NLGN4X: variants seen among roughly 807,000 people sequenced by gnomAD.
NLGN4X encodes neuroligin-4, X-linked.
In NLGN4X, 3 loss-of-function variants were observed where a neutral mutation model predicts 40.3. The observed-to-expected ratio is 0.07, with a 90% confidence interval of 0.03 to 0.19. The LOEUF is 0.19. Among genes scored for constraint, NLGN4X ranks in the 10% least tolerant of loss-of-function variants. The pLI is 1.00. For missense variants in NLGN4X, 382 were observed against 708.3 expected (o/e 0.54, Z 5.23); for synonymous variants, 270 against 306.8 (o/e 0.88, Z 1.25).
At chrX:5,973,704 T>C (rs1464210325) in intron 3 of NLGN4X, among the ~76,000 whole-genome samples, 2 of 110,630 alleles carry the variant, frequency 1.8e-5, no homozygotes, top group Non-Finnish European at 3.8e-5. Context: ...GCACCTGTAG[T>C]CCCAGCTACT....
intron 3 of NLGN4X, among the ~76,000 whole-genome samples, chrX:5,977,690 A>C (rs1222647874): frequency 9.0e-6 from 1 of 111,553 alleles, no homozygotes; most frequent in African/African-American, 3.3e-5. Flanking sequence ...CAAAGCATAG[A>C]TTTATGCAGC....
rs769783009 is a variant in NLGN4X, at chrX:6,151,642, T to C, written c.-176A>G. 1.7e-4 allele frequency: 77 copies of C among 463,833 alleles called. No individual in the cohort carries two copies. In the Admixed American group the frequency reaches 1.9e-3, roughly 12 times the overall value. 38.2% of individuals were successfully genotyped at this position (463,833 alleles called of 1,213,427 possible). On this transcript the variant is annotated 5_prime_UTR_variant, in exon 2 of 6. Coordinates refer to ENST00000381095, the MANE Select transcript of NLGN4X (RefSeq NM_181332.3). ...TTAAGAACAAGCACAGCCGTTTTCT[T>C]GGCAGCCCATTGCAAGGAGGCAGCC...
chrX:6,040,394 G>T (rs4826831), intron 2 of NLGN4X, among the ~76,000 whole-genome samples: 46,717 of 109,866 alleles, frequency 0.43, 7,436 homozygotes, highest in Admixed American at 0.5. Flanking sequence ...CCATTTTATT[G>T]ATTTTTAATT....
At chrX:6,175,077 G>A (rs982369654) in intron 1 of NLGN4X, among the ~76,000 whole-genome samples, 1 of 111,226 alleles carries the variant, frequency 9.0e-6, no homozygotes, top group African/African-American at 3.3e-5. Flanking sequence ...ATGATTTTCC[G>A]TGACCCTCCA....
intron 3 of NLGN4X, among the ~76,000 whole-genome samples, chrX:5,972,186 T>C (rs1455259746): frequency 9.1e-6 from 1 of 110,443 alleles, no homozygotes; most frequent in Admixed American, 9.6e-5. Context: ...CATGCATGCA[T>C]GTGTGTTTGT....
chrX:5,930,695 CTG>C (rs1472822097), intron 3 of NLGN4X, among the ~76,000 whole-genome samples: 1 of 112,345 alleles, frequency 8.9e-6, no homozygotes, highest in Non-Finnish European at 1.9e-5. Flanking sequence ...GCCAAAGAAA[CTG>C]GGGTGCTCCC....
chrX:6,008,171 A>G (rs1023175384), intron 3 of NLGN4X, among the ~76,000 whole-genome samples: 1 of 111,909 alleles, frequency 8.9e-6, no homozygotes, highest in African/African-American at 3.2e-5. Context: ...GTATATTTGC[A>G]TTTTTGTGAA....
chrX:6,085,466 A>G (rs1230849453), intron 2 of NLGN4X, among the ~76,000 whole-genome samples: 1 of 111,835 alleles, frequency 8.9e-6, no homozygotes, highest in African/African-American at 3.2e-5. Context: ...AAGAAGGTCA[A>G]GGAATTTATA....
At chrX:6,124,042 TA>T (rs2039487031) in intron 2 of NLGN4X, among the ~76,000 whole-genome samples, 1 of 109,989 alleles carries the variant, frequency 9.1e-6, no homozygotes, top group African/African-American at 3.3e-5. Context: ...ATGAAGACAC[TA>T]AAAATTTTAA....
chrX:6,124,071 A>T (rs896610230), intron 2 of NLGN4X, among the ~76,000 whole-genome samples: 3 of 111,107 alleles, frequency 2.7e-5, no homozygotes, highest in Admixed American at 9.6e-5. Context: ...ACAAAATATA[A>T]ATGAAAAAAT....
At chrX:5,941,090 T>C (rs2033914404) in intron 3 of NLGN4X, among the ~76,000 whole-genome samples, 1 of 103,441 alleles carries the variant, frequency 9.7e-6, no homozygotes, top group Non-Finnish European at 2.0e-5. Flanking sequence ...AGGGCACCAC[T>C]GCACTCCAGC....
chrX:5,908,961 G>A (rs1029320631), intron 4 of NLGN4X, 93 bp downstream of exon 4: 1 of 1,002,481 alleles, frequency 1.0e-6, no homozygotes, highest in Non-Finnish European at 1.4e-6. Flanking sequence ...AGTGACTTCT[G>A]GTAACCAGGA....
intron 3 of NLGN4X, among the ~76,000 whole-genome samples, chrX:5,917,514 T>C (rs980740571): frequency 8.9e-6 from 1 of 112,435 alleles, no homozygotes; most frequent in Non-Finnish European, 1.9e-5. Flanking sequence ...TGGAATCTAT[T>C]GCAAAGCCTT....
At chrX:6,037,019 A>G (rs1382454903) in intron 2 of NLGN4X, among the ~76,000 whole-genome samples, 3 of 111,600 alleles carry the variant, frequency 2.7e-5, no homozygotes, top group African/African-American at 9.8e-5. Context: ...TTTGTAAAGA[A>G]TTTGGAAAAT....
chrX:6,225,034 A>C (rs1290283146), intron 1 of NLGN4X, among the ~76,000 whole-genome samples: 2 of 92,139 alleles, frequency 2.2e-5, no homozygotes, highest in Admixed American at 2.3e-4. Context: ...ACATATATGT[A>C]GAAATGTAGA....
At chrX:6,173,780 G>C (rs371916125) in intron 1 of NLGN4X, among the ~76,000 whole-genome samples, 1 of 112,102 alleles carries the variant, frequency 8.9e-6, no homozygotes, top group Non-Finnish European at 1.9e-5. Context: ...GCCAAGGGCT[G>C]GTAGTGGTCG....
At chrX:5,903,978 T>C in intron 4 of NLGN4X, 112 bp from the exon 5 acceptor site, 1 of 966,650 alleles carries the variant, frequency 1.0e-6, no homozygotes, top group Non-Finnish European at 1.5e-6. Context: ...TTTCTGGATG[T>C]AGTAGCATTC....
chrX:6,027,117 G>A (rs1010058925), intron 3 of NLGN4X, among the ~76,000 whole-genome samples: 1 of 112,007 alleles, frequency 8.9e-6, no homozygotes, highest in Non-Finnish European at 1.9e-5. Flanking sequence ...GCTTTCTTCC[G>A]TGTGGCCGTG....
At chrX:5,901,195 G>C (rs745347397) in intron 5 of NLGN4X, among the ~76,000 whole-genome samples, 1 of 111,961 alleles carries the variant, frequency 8.9e-6, no homozygotes, top group Non-Finnish European at 1.9e-5. Context: ...AAACCACTTT[G>C]GAATCTTTGT....
Sources: gnomAD v4.1 joint callset for allele counts (sites outside exome capture counted in the v4.1 genomes callset) on GRCh38, gnomAD v4.1.1 for gene constraint, MANE v1.5 for transcripts, NCBI Gene and HGNC (gene_info 2026-07-23, HGNC 2026-07-21) for gene names.